KCNJ3: variants seen among roughly 807,000 people sequenced by gnomAD.
KCNJ3 encodes the protein potassium inwardly rectifying channel subfamily J member 3, also known as G protein-activated inward rectifier potassium channel 1.
Under a neutral mutation model 39.2 loss-of-function variants are expected in KCNJ3, and 4 were observed. The ratio of observed to expected loss-of-function variants is 0.10; its 90% CI spans 0.05 to 0.23. The LOEUF is 0.23. Ranked by LOEUF, KCNJ3 falls within the 10% of genes least tolerant of loss-of-function variation. KCNJ3 has a pLI of 1.00. For synonymous variants in KCNJ3, 230 were observed against 237.4 expected (o/e 0.97, Z 0.29); for missense variants, 276 against 634.9 (o/e 0.43, Z 6.08).
At chr2:154,801,587 C>T (rs1164470271) in intron 2 of KCNJ3, among the ~76,000 whole-genome samples, 4 of 139,746 alleles carry the variant, frequency 2.9e-5, no homozygotes. Context: ...CTCTCTCTTT[C>T]TTTCCCTTTC....
At chr2:154,772,185 G>T (rs1046667013) in intron 2 of KCNJ3, among the ~76,000 whole-genome samples, 5 of 152,152 alleles carry the variant, frequency 3.3e-5, no homozygotes, top group African/African-American at 1.2e-4. Flanking sequence ...ATGACAATTT[G>T]AATTTAAGTG....
chr2:154,787,822 CA>C (rs1177671100), intron 2 of KCNJ3, among the ~76,000 whole-genome samples: 1 of 152,038 alleles, frequency 6.6e-6, no homozygotes, highest in Non-Finnish European at 1.5e-5. Flanking sequence ...ACTTGTACAT[CA>C]TTTGTTAGTC....
At chr2:154,777,802 G>A (rs1472927544) in intron 2 of KCNJ3, among the ~76,000 whole-genome samples, 1 of 152,126 alleles carries the variant, frequency 6.6e-6, no homozygotes. Flanking sequence ...TGAGTCAGTT[G>A]TCCTAATTTA....
intron 2 of KCNJ3, among the ~76,000 whole-genome samples, chr2:154,798,304 C>G (rs1171149738): frequency 6.6e-6 from 1 of 151,814 alleles, no homozygotes; most frequent in East Asian, 1.9e-4. Context: ...TAAAAGATTC[C>G]TAGACTAAAC....
chr2:154,794,965 G>A (rs1235105531), intron 2 of KCNJ3, among the ~76,000 whole-genome samples: 1 of 151,804 alleles, frequency 6.6e-6, no homozygotes, highest in Non-Finnish European at 1.5e-5. Context: ...TGTTTAATTA[G>A]ACATAAAAAT....
At chr2:154,843,566 A>G (rs1231086410) in intron 2 of KCNJ3, among the ~76,000 whole-genome samples, 2 of 152,154 alleles carry the variant, frequency 1.3e-5, no homozygotes, top group Non-Finnish European at 2.9e-5. Flanking sequence ...CATCACTTTC[A>G]GGTACACCAA....
intron 2 of KCNJ3, among the ~76,000 whole-genome samples, chr2:154,713,719 C>G (rs1317307154): frequency 2.0e-5 from 3 of 152,190 alleles, no homozygotes; most frequent in Non-Finnish European, 4.4e-5. Context: ...CAGAGGTTAC[C>G]TCTCACTCTT....
At chr2:154,736,452 T>G (rs1265601075) in intron 2 of KCNJ3, among the ~76,000 whole-genome samples, 1 of 143,770 alleles carries the variant, frequency 7.0e-6, no homozygotes, top group Non-Finnish European at 1.5e-5. Context: ...GACACTGGAC[T>G]CTGCTTGTGG....
chr2:154,831,904 C>G (rs979566350), intron 2 of KCNJ3, among the ~76,000 whole-genome samples: 1 of 152,098 alleles, frequency 6.6e-6, no homozygotes, highest in East Asian at 1.9e-4. Context: ...GCAGGTTGTA[C>G]AAGAAGCATT....
At chr2:154,743,769 C>CA (rs1290747745) in intron 2 of KCNJ3, among the ~76,000 whole-genome samples, 3 of 151,166 alleles carry the variant, frequency 2.0e-5, no homozygotes, top group Non-Finnish European at 3.0e-5. Flanking sequence ...ATGCAATCTC[C>CA]AAAAAAGCAG....
intron 2 of KCNJ3, among the ~76,000 whole-genome samples, chr2:154,795,353 AT>A (rs1248570602): frequency 6.6e-6 from 1 of 151,892 alleles, no homozygotes; most frequent in Non-Finnish European, 1.5e-5. Context: ...AAAAATGTTG[AT>A]TTCGCTATCA....
intron 2 of KCNJ3, among the ~76,000 whole-genome samples, chr2:154,845,391 T>G (rs1016304200): frequency 7.2e-5 from 11 of 152,118 alleles, no homozygotes; most frequent in African/African-American, 2.6e-4. Flanking sequence ...AGTGCTGGGA[T>G]TACAGGTGTG....
rs1687868796 is a variant in KCNJ3, at chr2:154,857,906, AAAAAAAAAAAAAAAAAAAAAAG to A, written c.*2596_*2617del. On this transcript the variant is annotated 3_prime_UTR_variant, in exon 3 of 3. Transcript: ENST00000295101. ...AACATCAAAAAAAAAAAAAAAAAAA[AAAAAAAAAAAAAAAAAAAAAAG>A]AATAAAAACAGGGTAACATAATGCA... 2.1e-5 allele frequency: 2 copies of A among 94,212 alleles called. No individual in the cohort carries two copies. The highest frequency in any genetic ancestry group is 2.8e-4 in the Admixed American group (2 of 7,158). 5.8% of individuals were successfully genotyped at this position (94,212 alleles called of 1,614,324 possible). A position where few individuals can be genotyped will look rare whatever the true frequency, so the allele number is the denominator to read the frequency against.
chr2:154,726,465 T>G (rs1483561765), intron 2 of KCNJ3, among the ~76,000 whole-genome samples: 1 of 151,970 alleles, frequency 6.6e-6, no homozygotes, highest in Admixed American at 6.6e-5. Flanking sequence ...AAATAATAGA[T>G]GTTAGTGTGG....
intron 2 of KCNJ3, among the ~76,000 whole-genome samples, chr2:154,838,542 T>C (rs13030348): frequency 0.28 from 42,061 of 152,084 alleles, 6,727 homozygotes; most frequent in Non-Finnish European, 0.36. Context: ...ATCCAGCACG[T>C]ATGTTTTTAC....
chr2:154,716,188 CTGGGTTCATGCCG>C (rs1240495279), intron 2 of KCNJ3, among the ~76,000 whole-genome samples: 9 of 151,838 alleles, frequency 5.9e-5, no homozygotes, highest in South Asian at 2.1e-4. Context: ...GCTCCGCCTC[CTGGGTTCATGCCG>C]TGGGTTCATG....
chr2:154,849,338 G>A (rs1433847671), intron 2 of KCNJ3, among the ~76,000 whole-genome samples: 1 of 151,918 alleles, frequency 6.6e-6, no homozygotes, highest in African/African-American at 2.4e-5. Flanking sequence ...GTTTTGTTTT[G>A]TTTTGTGTTT....
chr2:154,757,071 C>T (rs1463127091), intron 2 of KCNJ3, among the ~76,000 whole-genome samples: 1 of 151,928 alleles, frequency 6.6e-6, no homozygotes, highest in Non-Finnish European at 1.5e-5. Context: ...TTTTAAATGT[C>T]AAAGTATTAT....
At chr2:154,746,053 CTCAGCTTAT>C (rs1356241268) in intron 2 of KCNJ3, among the ~76,000 whole-genome samples, 1 of 151,820 alleles carries the variant, frequency 6.6e-6, no homozygotes, top group Non-Finnish European at 1.5e-5. Flanking sequence ...CCTCTCCTTT[CTCAGCTTAT>C]TCAACTTGAA....
Sources: gnomAD v4.1 joint callset for allele counts (sites outside exome capture counted in the v4.1 genomes callset) on GRCh38, gnomAD v4.1.1 for gene constraint, MANE v1.5 for transcripts, NCBI Gene and HGNC (gene_info 2026-07-23, HGNC 2026-07-21) for gene names.